TRHDE: variants seen among roughly 807,000 people sequenced by gnomAD.
TRHDE encodes the protein thyrotropin-releasing hormone-degrading ectoenzyme.
TRHDE carries 72 observed loss-of-function variants against 125.7 expected under a neutral mutation model. That is an observed-to-expected ratio of 0.57 (90% CI 0.47 to 0.70). TRHDE has a LOEUF of 0.70. Ranked by LOEUF, TRHDE falls within the 30% of genes least tolerant of loss-of-function variation. The probability of loss-of-function intolerance (pLI) is 0.00; values close to 1 mark genes in which losing one functional copy is unlikely to be tolerated. For synonymous variants in TRHDE, 509 were observed against 509.1 expected (o/e 1.00, Z 0.00); for missense variants, 1,110 against 1,327.1 (o/e 0.84, Z 2.54).
intron 15 of TRHDE, among the ~76,000 whole-genome samples, chr12:72,639,222 C>T (rs1873917502): frequency 6.6e-6 from 1 of 151,910 alleles, no homozygotes; most frequent in Non-Finnish European, 1.5e-5. Context: ...TCTTTTTTCT[C>T]TAAACTTCCT....
At chr12:72,362,803 C>G (rs1242909050) in intron 2 of TRHDE, among the ~76,000 whole-genome samples, 1 of 152,050 alleles carries the variant, frequency 6.6e-6, no homozygotes, top group Non-Finnish European at 1.5e-5. Context: ...TTTCCCAGCA[C>G]CATTTATTAA....
chr12:72,524,061 A>G (rs773969177), intron 6 of TRHDE, among the ~76,000 whole-genome samples: 1 of 152,204 alleles, frequency 6.6e-6, no homozygotes, highest in Non-Finnish European at 1.5e-5. Flanking sequence ...TGTGCACAGC[A>G]TCCACACTGA....
chr12:72,522,377 A>C (rs527263097), intron 6 of TRHDE, among the ~76,000 whole-genome samples: 19 of 152,190 alleles, frequency 1.2e-4, no homozygotes, highest in Non-Finnish European at 2.4e-4. Context: ...CCTAGTTATC[A>C]CCTAGTGCAG....
At chr12:72,318,261 T>C (rs1868903240) in intron 2 of TRHDE, among the ~76,000 whole-genome samples, 1 of 152,094 alleles carries the variant, frequency 6.6e-6, no homozygotes, top group Non-Finnish European at 1.5e-5. Flanking sequence ...GAAATGAGGG[T>C]ACATTCTAGA....
At chr12:72,629,251 A>G (rs1159450398) in intron 15 of TRHDE, among the ~76,000 whole-genome samples, 1 of 151,822 alleles carries the variant, frequency 6.6e-6, no homozygotes, top group Non-Finnish European at 1.5e-5. Flanking sequence ...AAAAAATTAT[A>G]TTACTAGCCA....
rs761065629 is a variant in TRHDE at position 72,663,213 on chromosome 12, CA to C, written c.*21del. ...GACACTAATATATGTATCTTATAAA[CA>C]AACAATTCAACTCAGAAGTTTATGA... On this transcript the variant is annotated 3_prime_UTR_variant, in exon 19 of 19. Coordinates refer to ENST00000261180, the MANE Select transcript of TRHDE (RefSeq NM_013381.3). 1 of 1,561,890 alleles carries C rather than the reference CA, an allele frequency of 6.4e-7. No individual in the cohort carries two copies. The highest frequency in any genetic ancestry group is 8.7e-7 in the Non-Finnish European group (1 of 1,151,254).
At chr12:72,520,507 C>G (rs547345694) in intron 6 of TRHDE, among the ~76,000 whole-genome samples, 3 of 149,688 alleles carry the variant, frequency 2.0e-5, no homozygotes, top group East Asian at 2.0e-4. Context: ...TGCTTGCGCA[C>G]GGTGCGCGCA....
In TRHDE at chr12:72,668,241, AATTTT is replaced by A. The variant is rs1483722299; in HGVS notation, c.*5053_*5057del. 2 of 151,826 alleles carry A rather than the reference AATTTT, an allele frequency of 1.3e-5. No homozygotes were observed. Among genetic ancestry groups the A allele is most frequent in the African/African-American group, 2.4e-5 (1 of 41,526 alleles). 9.4% of individuals were successfully genotyped at this position (151,826 alleles called of 1,614,324 possible). A position where few individuals can be genotyped will look rare whatever the true frequency, so the allele number is the denominator to read the frequency against. On this transcript the variant is annotated 3_prime_UTR_variant, in exon 19 of 19. Transcript: ENST00000261180. ...CAGTAGTTTTATTTTTATTTTGTGA[AATTTT>A]ATTTTAAAGTTTAGGTAAGGAAAGT...
At chr12:72,402,669 G>A in intron 3 of TRHDE, among the ~76,000 whole-genome samples, 1 of 152,162 alleles carries the variant, frequency 6.6e-6, no homozygotes, top group Non-Finnish European at 1.5e-5. Context: ...CAGGTACTGA[G>A]GGTTAGGATG....
At chr12:72,252,676 A>T (rs1017986810) in intron 2 of TRHDE, among the ~76,000 whole-genome samples, 2 of 152,188 alleles carry the variant, frequency 1.3e-5, no homozygotes, top group Admixed American at 6.5e-5. Flanking sequence ...CCTACAAAAA[A>T]CTTCCCTGAA....
upstream of TRHDE, among the ~76,000 whole-genome samples, chr12:72,269,405 G>A (rs1182205601): frequency 1.3e-5 from 2 of 151,862 alleles, no homozygotes; most frequent in Admixed American, 6.6e-5. Flanking sequence ...ACTCCACTTG[G>A]GTCTGAAAAA....
intron 2 of TRHDE, among the ~76,000 whole-genome samples, chr12:72,119,256 C>T (rs1179189218): frequency 6.6e-6 from 1 of 152,064 alleles, no homozygotes; most frequent in Admixed American, 6.6e-5. Context: ...TCATTTGTTT[C>T]AAGAAATTTT....
upstream of TRHDE, chr12:72,272,223 C>T (rs375457735): frequency 2.9e-5 from 12 of 407,508 alleles, no homozygotes; most frequent in East Asian, 5.0e-4. This position sits in a 1 kb window ranked among gnomAD's most constrained non-coding sequence, Gnocchi z 6.7. Context: ...GCTCTTCCCA[C>T]CGCTCCCGTC....
intron 3 of TRHDE, among the ~76,000 whole-genome samples, chr12:72,387,008 T>G (rs945327068): frequency 7.2e-5 from 11 of 152,206 alleles, no homozygotes; most frequent in African/African-American, 2.7e-4. Flanking sequence ...GCTATTTACA[T>G]TGGTAGTGGC....
chr12:72,633,747 C>T (rs1873595330), intron 15 of TRHDE, among the ~76,000 whole-genome samples: 1 of 151,998 alleles, frequency 6.6e-6, no homozygotes, highest in Non-Finnish European at 1.5e-5. Context: ...TTTAGTGGTA[C>T]TATATTTGAT....
chr12:72,296,748 TAAAAAG>T (rs914485914), intron 2 of TRHDE, among the ~76,000 whole-genome samples: 1 of 151,912 alleles, frequency 6.6e-6, no homozygotes, highest in African/African-American at 2.4e-5. Context: ...TTTAAGAAGT[TAAAAAG>T]AAAAGAATAA....
chr12:72,533,858 G>GT (rs946627384), intron 6 of TRHDE, among the ~76,000 whole-genome samples: 3 of 148,680 alleles, frequency 2.0e-5, no homozygotes, highest in Non-Finnish European at 4.5e-5. Context: ...GAAAGTTTTT[G>GT]TTTTTTTGTC....
intron 3 of TRHDE, among the ~76,000 whole-genome samples, chr12:72,412,484 A>G (rs1873554268): frequency 1.3e-5 from 2 of 152,084 alleles, no homozygotes; most frequent in Non-Finnish European, 2.9e-5. Flanking sequence ...CTATGCATCA[A>G]TTTAGGAAGG....
intron 1 of TRHDE, among the ~76,000 whole-genome samples, chr12:72,095,151 T>A (rs538993766): frequency 1.3e-5 from 2 of 152,198 alleles, no homozygotes; most frequent in East Asian, 3.9e-4. Context: ...AGCAAAATGT[T>A]CACCTGCTAT....
Sources: gnomAD v4.1 joint callset for allele counts (sites outside exome capture counted in the v4.1 genomes callset) on GRCh38, gnomAD v4.1.1 for gene constraint, Gnocchi (gnomAD v3.1) non-coding constraint, MANE v1.5 for transcripts, NCBI Gene and HGNC (gene_info 2026-07-23, HGNC 2026-07-21) for gene names.